The following ASB18 variants were observed in gnomAD, a reference collection of about 807,000 sequenced individuals.
ASB18 encodes ankyrin repeat and SOCS box protein 18.
Under a neutral mutation model 33.4 loss-of-function variants are expected in ASB18, and 33 were observed. That is an observed-to-expected ratio of 0.99 (90% CI 0.75 to 1.32). The LOEUF (loss-of-function observed/expected upper bound fraction) is 1.32. Among genes scored for constraint, ASB18 ranks in the 40% most tolerant of loss-of-function variants. The pLI is 0.00. For synonymous variants in ASB18, 295 were observed against 307.6 expected (o/e 0.96, Z 0.43); for missense variants, 694 against 655.5 (o/e 1.06, Z -0.64).
At chr2:236,227,691 G>A (rs909373664) in intron 3 of ASB18, among the ~76,000 whole-genome samples, 2 of 152,194 alleles carry the variant, frequency 1.3e-5, no homozygotes, top group Non-Finnish European at 2.9e-5. Context: ...GAATAATTTT[G>A]CCTCTTTTCT....
chr2:236,197,587 T>C (rs1278014731), intron 4 of ASB18, among the ~76,000 whole-genome samples: 2 of 152,036 alleles, frequency 1.3e-5, no homozygotes, highest in Non-Finnish European at 2.9e-5. Flanking sequence ...TTTGGGAGGC[T>C]GAGGCAGGCG....
Position 236,221,541 on chromosome 2 carries a change from G to T in ASB18, c.597-6675C>A, listed in dbSNP as rs2060513192. Among the ~76,000 whole-genome samples the T allele has an allele frequency of 1.3e-5, 2 of 152,126 alleles. No homozygotes were observed. Among genetic ancestry groups the T allele is most frequent in the Non-Finnish European group, 2.9e-5 (2 of 68,018 alleles). ...GGTTTGATAAGGGGAAACCCCTTTT[G>T]CTTGGTTCTCATTCTCTCTCTTGCT... On this transcript the variant is annotated intron_variant, in intron 3 of 5. Transcript: ENST00000409749. The surrounding 1 kb of genome is among the most constrained non-coding windows in gnomAD (Gnocchi z 5.6).
chr2:236,195,187 G>GA lies in ASB18; in HGVS notation c.1216-131_1216-130insT, dbSNP rs2060366041. On this transcript the variant is annotated intron_variant, in intron 5 of 5. Transcript: ENST00000409749. This position sits in a 1 kb window ranked among gnomAD's most constrained non-coding sequence, Gnocchi z 5.5. Reference sequence around the variant, plus strand: ...ACTGATCCCAGATAAGCGCACTGGAGGGAGACGCACCATCTTGTGGGAACC... The same window carrying GA: ...ACTGATCCCAGATAAGCGCACTGGAGAGGAGACGCACCATCTTGTGGGAACC... The GA allele has an allele frequency of 2.5e-6, 2 of 811,292 alleles. No individual in the cohort carries two copies. Among genetic ancestry groups the GA allele is most frequent in the Non-Finnish European group, 1.9e-6 (1 of 516,016 alleles). The allele number at this position is 811,292 out of a possible 1,614,324, so 50.3% of individuals were successfully genotyped here.
In ASB18 at chr2:236,260,561, C is replaced by T. The variant is rs2106287823; in HGVS notation, c.205+3580G>A. On this transcript the variant is annotated intron_variant, in intron 1 of 5. Coordinates refer to ENST00000409749, the MANE Select transcript of ASB18 (RefSeq NM_212556.4). This position sits in a 1 kb window ranked among gnomAD's most constrained non-coding sequence, Gnocchi z 5.1. Reference sequence around the variant, plus strand: ...CTTACCTTGAGAAAGAGAACATTTGCTCCCACAGGAAAAAGGAACCTATGC... The same window carrying T: ...CTTACCTTGAGAAAGAGAACATTTGTTCCCACAGGAAAAAGGAACCTATGC... 6.6e-6 allele frequency among the ~76,000 whole-genome samples: 1 copy of T among 152,298 alleles called. No individual in the cohort carries two copies. Among genetic ancestry groups the T allele is most frequent in the South Asian group, 2.1e-4 (1 of 4,822 alleles).
At position 236,209,004 on chromosome 2, in the gene ASB18, C is replaced by T. The variant is rs540747744; in HGVS notation, c.1101+5358G>A. Among the ~76,000 whole-genome samples the T allele has an allele frequency of 6.6e-6, 1 of 152,104 alleles. No homozygotes were observed. The highest frequency in any genetic ancestry group is 1.9e-4 in the East Asian group (1 of 5,154). On this transcript the variant is annotated intron_variant, in intron 4 of 5. Transcript: ENST00000409749. This position sits in a 1 kb window ranked among gnomAD's most constrained non-coding sequence, Gnocchi z 4.4. ...ACGACAGCAAGAAAAACACAGGCGCCCTACTTATGATCTCCCCTCTCTCCT... is the reference window on the plus strand; with the variant it reads ...ACGACAGCAAGAAAAACACAGGCGCTCTACTTATGATCTCCCCTCTCTCCT...
intron 3 of ASB18, among the ~76,000 whole-genome samples, chr2:236,236,015 T>C (rs1432335588): frequency 2.0e-5 from 3 of 152,158 alleles, no homozygotes; most frequent in Non-Finnish European, 2.9e-5. Context: ...TTCTTAATCA[T>C]ACCGTGTGAC....
At position 236,260,600 on chromosome 2, in the gene ASB18, C is replaced by T. The variant is rs146198473; in HGVS notation, c.205+3541G>A. On this transcript the variant is annotated intron_variant, in intron 1 of 5. Coordinates refer to ENST00000409749, the MANE Select transcript of ASB18 (RefSeq NM_212556.4). The surrounding 1 kb of genome is among the most constrained non-coding windows in gnomAD (Gnocchi z 5.1). ...AGGAACCTATGCCCATTTTAGGCTGCGACAGTGAGTCTTTGGGATTATGGC... is the reference window on the plus strand; with the variant it reads ...AGGAACCTATGCCCATTTTAGGCTGTGACAGTGAGTCTTTGGGATTATGGC... 3.9e-5 allele frequency among the ~76,000 whole-genome samples: 6 copies of T among 152,242 alleles called. No homozygotes were observed. The highest frequency in any genetic ancestry group is 1.9e-4 in the East Asian group (1 of 5,172).
Position 236,223,231 on chromosome 2 carries a change from G to A in ASB18, c.597-8365C>T, listed in dbSNP as rs1034593747. On this transcript the variant is annotated intron_variant, in intron 3 of 5. Coordinates refer to ENST00000409749, the MANE Select transcript of ASB18 (RefSeq NM_212556.4). This position sits in a 1 kb window ranked among gnomAD's most constrained non-coding sequence, Gnocchi z 4.6. ...TCACAGTGTCAAGTATTTCTTTATA[G>A]CAGTGCAAGAATGGCCTAATACACT... is the stretch of plus-strand genomic sequence containing the variant. Among the ~76,000 whole-genome samples the A allele has an allele frequency of 6.6e-6, 1 of 152,118 alleles. No homozygotes were observed. Among genetic ancestry groups the A allele is most frequent in the African/African-American group, 2.4e-5 (1 of 41,420 alleles).
Position 236,220,647 on chromosome 2 carries a change from A to G in ASB18, c.597-5781T>C, listed in dbSNP as rs140321533. ...TACAGTTGGGGAAATTGAGGCTTAA[A>G]AGGCCAGTGACATGCATAAGGCAGG... is the stretch of plus-strand genomic sequence containing the variant. On this transcript the variant is annotated intron_variant, in intron 3 of 5. Transcript: ENST00000409749. The surrounding 1 kb of genome is among the most constrained non-coding windows in gnomAD (Gnocchi z 5.1). Among the ~76,000 whole-genome samples the G allele has an allele frequency of 1.4e-3, 219 of 152,144 alleles. No individual in the cohort carries two copies. Among genetic ancestry groups the G allele is most frequent in the Non-Finnish European group, 2.6e-3 (176 of 67,994 alleles).
chr2:236,207,820 T>C (rs1224472236), intron 4 of ASB18, among the ~76,000 whole-genome samples: 1 of 50,514 alleles, frequency 2.0e-5, no homozygotes, highest in African/African-American at 2.9e-4. Context: ...CCTGGCTGAC[T>C]TTTTTTTTTT....
chr2:236,260,259 G>C lies in ASB18; in HGVS notation c.205+3882C>G, dbSNP rs538701968. 6.6e-6 allele frequency among the ~76,000 whole-genome samples: 1 copy of C among 152,094 alleles called. No homozygotes were observed. The highest frequency in any genetic ancestry group is 2.1e-4 in the South Asian group (1 of 4,824). On this transcript the variant is annotated intron_variant, in intron 1 of 5. Coordinates refer to ENST00000409749, the MANE Select transcript of ASB18 (RefSeq NM_212556.4). This position sits in a 1 kb window ranked among gnomAD's most constrained non-coding sequence, Gnocchi z 5.1. ...TTCCCCCAGGTACTTTTGCCAACAT[G>C]ACCCTCGACTCTTGCCTTCTCCTGG... is the stretch of plus-strand genomic sequence containing the variant.
In ASB18 at chr2:236,237,359, G is replaced by T. The variant is rs1576406262; in HGVS notation, c.596+330C>A. On this transcript the variant is annotated intron_variant, in intron 3 of 5. Transcript: ENST00000409749. The surrounding 1 kb of genome is among the most constrained non-coding windows in gnomAD (Gnocchi z 6.2). ...CGCGGGGGCCGGGGCCGGGGCGCGG[G>T]GCGGGGGCCGGGGCCGGGGCGCGGG... Among the ~76,000 whole-genome samples the T allele has an allele frequency of 3.1e-5, 1 of 32,492 alleles. No individual in the cohort carries two copies. The highest frequency in any genetic ancestry group is 4.2e-4 in the Admixed American group (1 of 2,370). 21.3% of individuals were successfully genotyped at this position (32,492 alleles called of 152,430 possible).
At position 236,231,170 on chromosome 2, in the gene ASB18, A is replaced by G. The variant is rs2060563252; in HGVS notation, c.596+6519T>C. Among the ~76,000 whole-genome samples the G allele has an allele frequency of 6.6e-6, 1 of 152,160 alleles. No homozygotes were observed. Among genetic ancestry groups the G allele is most frequent in the African/African-American group, 2.4e-5 (1 of 41,440 alleles). On this transcript the variant is annotated intron_variant, in intron 3 of 5. Coordinates refer to ENST00000409749, the MANE Select transcript of ASB18 (RefSeq NM_212556.4). The surrounding 1 kb of genome is among the most constrained non-coding windows in gnomAD (Gnocchi z 5.5). Reference sequence around the variant, plus strand: ...GTGACAGGAGGTTGTTTTGGTGAATAAATTACAGAAGATTGTAAATTCCAT... The same window carrying G: ...GTGACAGGAGGTTGTTTTGGTGAATGAATTACAGAAGATTGTAAATTCCAT...
chr2:236,214,666 G>A lies in ASB18; in HGVS notation c.797C>T (p.Pro266Leu). 8.7e-7 allele frequency: 1 copy of A among 1,146,238 alleles called. No homozygotes were observed. Among genetic ancestry groups the A allele is most frequent in the Non-Finnish European group, 1.1e-6 (1 of 934,666 alleles). 71.0% of individuals were successfully genotyped at this position (1,146,238 alleles called of 1,614,324 possible). ...GCGCAGGCAGCGCCCGTGCTCGTCG[G>A]GCCTCCGCGCCGCACCGCAGGCCGC... is the stretch of plus-strand genomic sequence containing the variant. ...LSAACGAARR[P>L]DEHGRCLRLC... Residue 266 changes from proline to leucine, a missense_variant, in exon 4 of 6, where the codon CCC (proline) becomes CTC (leucine). Coordinates refer to ENST00000409749, the MANE Select transcript of ASB18 (RefSeq NM_212556.4). The surrounding 1 kb of genome is among the most constrained non-coding windows in gnomAD (Gnocchi z 6.5).
intron 3 of ASB18, among the ~76,000 whole-genome samples, chr2:236,236,605 G>T (rs1202507534): frequency 6.7e-6 from 1 of 148,510 alleles, no homozygotes; most frequent in East Asian, 2.0e-4. Flanking sequence ...AGACTGGCGG[G>T]GGTCCACGTG....
rs1217940880 is a variant in ASB18, at chr2:236,225,614, G to A, written c.597-10748C>T. The stretch of plus-strand genomic sequence containing the variant: ...CTCGAATAAAAAGGGTCAAGGAGAG[G>A]AATCTGATAACAAATAGGGCGAGGC... On this transcript the variant is annotated intron_variant, in intron 3 of 5. Transcript: ENST00000409749. The surrounding 1 kb of genome is among the most constrained non-coding windows in gnomAD (Gnocchi z 5.1). 6.6e-6 allele frequency among the ~76,000 whole-genome samples: 1 copy of A among 152,138 alleles called. No homozygotes were observed. Among genetic ancestry groups the A allele is most frequent in the Non-Finnish European group, 1.5e-5 (1 of 68,026 alleles).
In ASB18 at chr2:236,262,905, G is replaced by A. The variant is rs138760679; in HGVS notation, c.205+1236C>T. Among the ~76,000 whole-genome samples, 9 of 152,210 alleles carry A rather than the reference G, an allele frequency of 5.9e-5. No homozygotes were observed. The East Asian group carries it at 7.8e-4, about 13-fold the overall frequency. On this transcript the variant is annotated intron_variant, in intron 1 of 5. Transcript: ENST00000409749. This position sits in a 1 kb window ranked among gnomAD's most constrained non-coding sequence, Gnocchi z 5.2. ...CCAAGGGGGGGGGGCGGACCCCCTC[G>A]GAAGTTCCAATCTCAGACTCCTCGC...
At position 236,214,062 on chromosome 2, in the gene ASB18, A is replaced by G. The variant is rs1028249182; in HGVS notation, c.1101+300T>C. On this transcript the variant is annotated intron_variant, in intron 4 of 5. Coordinates refer to ENST00000409749, the MANE Select transcript of ASB18 (RefSeq NM_212556.4). This position sits in a 1 kb window ranked among gnomAD's most constrained non-coding sequence, Gnocchi z 6.5. ...GTCCGTCCCCAGGTGACTACTTTGA[A>G]AGGATGCATTCTTCACATGCAACCC... 4 of 382,404 alleles carry G rather than the reference A, an allele frequency of 1.0e-5. No homozygotes were observed. The highest frequency in any genetic ancestry group is 8.5e-5 in the African/African-American group (4 of 47,048). 23.7% of individuals were successfully genotyped at this position (382,404 alleles called of 1,614,324 possible).
intron 3 of ASB18, among the ~76,000 whole-genome samples, chr2:236,224,131 T>G (rs2106273278): frequency 6.7e-6 from 1 of 150,124 alleles, no homozygotes; most frequent in East Asian, 2.0e-4. Flanking sequence ...CACCCAAAAC[T>G]ATGTATGAAA....
Sources: allele counts gnomAD v4.1 joint callset (sites outside exome capture counted in the v4.1 genomes callset), GRCh38; gene constraint gnomAD v4.1.1; non-coding constraint Gnocchi (gnomAD v3.1); transcripts MANE v1.5; gene names NCBI Gene and HGNC (gene_info 2026-07-23, HGNC 2026-07-21).